The following RBM48 variants were observed in gnomAD, a reference collection of about 807,000 sequenced individuals.
RBM48 encodes the protein RNA binding motif protein 48, also known as RNA-binding protein 48.
Under a neutral mutation model 34.8 loss-of-function variants are expected in RBM48, and 32 were observed. That is an observed-to-expected ratio of 0.92 (90% CI 0.69 to 1.23). The LOEUF (loss-of-function observed/expected upper bound fraction) is 1.23. RBM48 is among the 50% of genes most tolerant of loss of function. RBM48 has a pLI of 0.00. For missense variants in RBM48, 441 were observed against 447.2 expected, an observed-to-expected ratio of 0.99 and a Z score of 0.12; for synonymous variants, 151 against 156.2, an observed-to-expected ratio of 0.97 and a Z score of 0.25.
At chr7:92,535,157 C>G in intron 4 of RBM48, 187 bp downstream of exon 4, 1 of 1,430,448 alleles carries the variant, frequency 7.0e-7, no homozygotes. Flanking sequence ...ACTGTTAATA[C>G]TTGCTTTAAA....
In RBM48 at chr7:92,535,226, C is replaced by T. The variant is rs1793681738; in HGVS notation, c.1017+256C>T. On this transcript the variant is annotated intron_variant, in intron 4 of 4. Coordinates refer to ENST00000265732, the MANE Select transcript of RBM48 (RefSeq NM_032120.4). Reference sequence around the variant, plus strand: ...AAAATATTAAAGCAGTGGTTTCAGCCAATTAAATCAATCTGTGAGAGTGGA... The same window carrying T: ...AAAATATTAAAGCAGTGGTTTCAGCTAATTAAATCAATCTGTGAGAGTGGA... 2.2e-6 allele frequency: 3 copies of T among 1,369,208 alleles called. No individual in the cohort carries two copies. In the Admixed American group the frequency reaches 1.0e-4, roughly 47 times the overall value. 84.8% of individuals were successfully genotyped at this position (1,369,208 alleles called of 1,614,324 possible). A position where few individuals can be genotyped will look rare whatever the true frequency, so the allele number is the denominator to read the frequency against.
rs749618141 is a variant in RBM48, at chr7:92,534,289, T to G, written c.449-113T>G. ...TTCTCAAGAAATGATTTTTTTGGAG[T>G]AGAATTTGTTAACATTTTTAAGTGA... On this transcript the variant is annotated intron_variant, in intron 3 of 4. Coordinates refer to ENST00000265732, the MANE Select transcript of RBM48 (RefSeq NM_032120.4). 2.9e-6 allele frequency: 4 copies of G among 1,383,770 alleles called. No individual in the cohort carries two copies. In the South Asian group the frequency reaches 3.9e-5, roughly 13 times the overall value. 85.7% of individuals were successfully genotyped at this position (1,383,770 alleles called of 1,614,324 possible).
rs1793804592 is a variant in RBM48 at position 92,539,367 on chromosome 7, G to C, written c.*2430G>C. 6.6e-6 allele frequency among the ~76,000 whole-genome samples: 1 copy of C among 152,216 alleles called. No individual in the cohort carries two copies. Among genetic ancestry groups the C allele is most frequent in the Admixed American group, 6.5e-5 (1 of 15,278 alleles). On this transcript the variant is annotated 3_prime_UTR_variant, in exon 5 of 5. Coordinates refer to ENST00000265732, the MANE Select transcript of RBM48 (RefSeq NM_032120.4). ...TAAAGAGATGAGTTGAGGTGGATAA[G>C]GATAGCTTAATAACATGCAAGCTAA... is the stretch of plus-strand genomic sequence containing the variant.
rs988582412 is a variant in RBM48, at chr7:92,535,297, T to G, written c.1017+327T>G. 15 of 1,219,878 alleles carry G rather than the reference T, an allele frequency of 1.2e-5. No homozygotes were observed. The East Asian group carries it at 3.6e-4, about 30-fold the overall frequency. 75.6% of individuals were successfully genotyped at this position (1,219,878 alleles called of 1,614,324 possible). A position where few individuals can be genotyped will look rare whatever the true frequency, so the allele number is the denominator to read the frequency against. ...TTAAAAGCTCCCCAGGTAGTTCTAA[T>G]ATGAGCCAAAGTTGAGAAGCAAAAG... On this transcript the variant is annotated intron_variant, in intron 4 of 4. Coordinates refer to ENST00000265732, the MANE Select transcript of RBM48 (RefSeq NM_032120.4).
chr7:92,533,360 T>G (rs1793622165), intron 3 of RBM48, among the ~76,000 whole-genome samples: 1 of 152,248 alleles, frequency 6.6e-6, no homozygotes, highest in Admixed American at 6.5e-5. Flanking sequence ...CTAATTTTTC[T>G]GGGTGAGGAA....
chr7:92,528,980 G>T, intron 1 of RBM48, 56 bp downstream of exon 1: 5 of 1,237,700 alleles, frequency 4.0e-6, no homozygotes, highest in South Asian at 1.2e-5. Flanking sequence ...GAGTGCTAGC[G>T]CCATATGACC....
intron 2 of RBM48, among the ~76,000 whole-genome samples, chr7:92,531,009 G>A (rs930923003): frequency 4.0e-5 from 6 of 151,730 alleles, no homozygotes; most frequent in Non-Finnish European, 8.8e-5. Context: ...TTGAGCCCAG[G>A]AGGTGGAGGT....
chr7:92,535,196 G>A, intron 4 of RBM48: 1 of 1,404,852 alleles, frequency 7.1e-7, no homozygotes, highest in Non-Finnish European at 9.2e-7. Context: ...TATCACTGTA[G>A]ATACAAAATA....
rs916161033 is a variant in RBM48, at chr7:92,538,370, C to T, written c.*1433C>T. Among the ~76,000 whole-genome samples, 3 of 152,092 alleles carry T rather than the reference C, an allele frequency of 2.0e-5. No homozygotes were observed. The highest frequency in any genetic ancestry group is 2.9e-5 in the Non-Finnish European group (2 of 68,022). ...CTTTAACCTCAGGCCTGGTCAGTGG[C>T]GTCGGTTGGTTTTGCCACTGGCTCC... On this transcript the variant is annotated 3_prime_UTR_variant, in exon 5 of 5. Coordinates refer to ENST00000265732, the MANE Select transcript of RBM48 (RefSeq NM_032120.4).
At chr7:92,531,824 G>A (rs1308764624) in intron 2 of RBM48, among the ~76,000 whole-genome samples, 2 of 152,210 alleles carry the variant, frequency 1.3e-5, no homozygotes, top group African/African-American at 2.4e-5. Context: ...GGCATATGGT[G>A]AAATCTCAAC....
rs773481195 is a variant in RBM48 at position 92,538,548 on chromosome 7, G to A, written c.*1611G>A. Among the ~76,000 whole-genome samples, 5 of 152,156 alleles carry A rather than the reference G, an allele frequency of 3.3e-5. No individual in the cohort carries two copies. Among genetic ancestry groups the A allele is most frequent in the African/African-American group, 1.2e-4 (5 of 41,436 alleles). On this transcript the variant is annotated 3_prime_UTR_variant, in exon 5 of 5. Transcript: ENST00000265732. ...CAGCAAGCTGCAGATAAGGAGGGTA[G>A]GCCCTACTTCCATGTGAGGTAATTA...
chr7:92,528,838 G>T lies in RBM48; in HGVS notation c.25G>T (p.Gly9Trp). Residue 9 changes from glycine to tryptophan, a missense_variant, in exon 1 of 5, where the codon GGG becomes TGG. Physicochemically the swap from Gly to Trp is radical, Grantham distance 184 (BLOSUM62 -2). Transcript: ENST00000265732. Reference sequence around the variant, plus strand: ...GATGGCGTCGAGCGGCGGGGAGCTAGGGAGTTTATTTGATCACCACGTCCA... The same window carrying T: ...GATGGCGTCGAGCGGCGGGGAGCTATGGAGTTTATTTGATCACCACGTCCA... MASSGGEL[G>W]SLFDHHVQRA... is the part of the protein sequence containing the mutation. The T allele has an allele frequency of 6.2e-7, 1 of 1,614,108 alleles. No individual in the cohort carries two copies. Among genetic ancestry groups the T allele is most frequent in the Non-Finnish European group, 8.5e-7 (1 of 1,180,010 alleles).
intron 3 of RBM48, 61 bp downstream of exon 3, chr7:92,532,610 C>A: frequency 8.2e-7 from 1 of 1,222,654 alleles, no homozygotes; most frequent in Non-Finnish European, 1.2e-6. Context: ...GGTGTGTCAT[C>A]ATGCAATTCC....
Position 92,534,909 on chromosome 7 carries a change from T to C in RBM48, c.956T>C (p.Val319Ala), listed in dbSNP as rs373135221. Residue 319 changes from valine to alanine, a missense_variant, in exon 4 of 5, where the codon GTG becomes GCG. Val to Ala is a moderately conservative substitution (Grantham distance 64). Transcript: ENST00000265732. ...IGPLLPDISK[V>A]DMHDDSLNTT... Reference sequence around the variant, plus strand: ...CCTCTGTTACCAGACATCTCTAAAGTGGATATGCACGATGACTCATTGAAT... The same window carrying C: ...CCTCTGTTACCAGACATCTCTAAAGCGGATATGCACGATGACTCATTGAAT... 1 of 1,614,154 alleles carries C rather than the reference T, an allele frequency of 6.2e-7. No individual in the cohort carries two copies.
intron 2 of RBM48, 108 bp downstream of exon 2, chr7:92,529,774 A>C (rs1793503079): frequency 6.4e-6 from 4 of 629,104 alleles, no homozygotes; most frequent in Non-Finnish European, 8.2e-6. Flanking sequence ...CCCAAAACGT[A>C]ATCTAGCATA....
intron 3 of RBM48, 47 bp from the exon 4 acceptor site, chr7:92,534,355 A>G (rs759029322): frequency 8.9e-5 from 139 of 1,554,736 alleles, no homozygotes; most frequent in Non-Finnish European, 1.1e-4. Flanking sequence ...AAAACAATAA[A>G]CCACTTCTGT....
Position 92,539,938 on chromosome 7 carries a change from C to T in RBM48, c.*3001C>T, listed in dbSNP as rs1793822190. ...AAGTGTTCTAGCAGTTTGTGGTGTACTTGCTGAAACTCTATTCAGTGTTCT... is the reference window on the plus strand; with the variant it reads ...AAGTGTTCTAGCAGTTTGTGGTGTATTTGCTGAAACTCTATTCAGTGTTCT... On this transcript the variant is annotated 3_prime_UTR_variant, in exon 5 of 5. Transcript: ENST00000265732. 1.3e-5 allele frequency among the ~76,000 whole-genome samples: 2 copies of T among 152,198 alleles called. No individual in the cohort carries two copies. The highest frequency in any genetic ancestry group is 6.5e-5 in the Admixed American group (1 of 15,274).
chr7:92,532,586 C>T, intron 3 of RBM48, 37 bp downstream of exon 3: 1 of 1,479,882 alleles, frequency 6.8e-7, no homozygotes, highest in Non-Finnish European at 9.3e-7. Context: ...TCCTGTGTGT[C>T]AGGCACTCTG....
rs1346878738 is a variant in RBM48, at chr7:92,537,207, T to C, written c.*270T>C. 4 of 233,060 alleles carry C rather than the reference T, an allele frequency of 1.7e-5. No individual in the cohort carries two copies. The highest frequency in any genetic ancestry group is 5.6e-5 in the South Asian group (1 of 17,868). The allele number at this position is 233,060 out of a possible 1,614,324, so 14.4% of individuals were successfully genotyped here. On this transcript the variant is annotated 3_prime_UTR_variant, in exon 5 of 5. Coordinates refer to ENST00000265732, the MANE Select transcript of RBM48 (RefSeq NM_032120.4). ...AAGCGATTCTCCTGCCTCAGCCTCC[T>C]GAGTATCTGGGATTACAGGCGTGCA...
Sources: gnomAD v4.1 joint callset for allele counts (sites outside exome capture counted in the v4.1 genomes callset) on GRCh38, gnomAD v4.1.1 for gene constraint, MANE v1.5 for transcripts, NCBI Gene and HGNC (gene_info 2026-07-23, HGNC 2026-07-21) for gene names.